HELZ: variants seen among roughly 807,000 people sequenced by gnomAD.
The protein encoded by HELZ is helicase with zinc finger.
HELZ carries 23 observed loss-of-function variants against 218.2 expected under a neutral mutation model. The ratio of observed to expected loss-of-function variants is 0.11; its 90% CI spans 0.08 to 0.15. HELZ has a LOEUF of 0.15. Ranked by LOEUF, HELZ falls within the 10% of genes least tolerant of loss-of-function variation. The probability of loss-of-function intolerance (pLI) is 1.00; values close to 1 mark genes in which losing one functional copy is unlikely to be tolerated. For synonymous variants in HELZ, 814 were observed against 829.4 expected, an observed-to-expected ratio of 0.98 and a Z score of 0.32; for missense variants, 1,813 against 2,353.7, an observed-to-expected ratio of 0.77 and a Z score of 4.75.
chr17:67,207,429 A>G (rs2040335101), intron 5 of HELZ, among the ~76,000 whole-genome samples: 1 of 151,710 alleles, frequency 6.6e-6, no homozygotes, highest in African/African-American at 2.4e-5. Flanking sequence ...CATGTTGGCT[A>G]GGCTGGTCTC....
chr17:67,086,865 C>CATTG lies in HELZ; in HGVS notation c.5454_5457dup (p.Gly1820GlnfsTer23). 6.2e-7 allele frequency: 1 copy of CATTG among 1,613,494 alleles called. No homozygotes were observed. On this transcript the variant is annotated frameshift_variant, in exon 32 of 33. Transcript: ENST00000358691. LOFTEE classifies it high-confidence loss of function. ...CTGGGCTGAGCTGTCCTGCTGGATC[C>CATTG]ATTGCACGGAATGTTCTGATAAGGA... is the stretch of plus-strand genomic sequence containing the variant.
intron 13 of HELZ, among the ~76,000 whole-genome samples, chr17:67,173,771 C>T (rs1481153228): frequency 2.6e-5 from 4 of 151,918 alleles, no homozygotes; most frequent in Non-Finnish European, 5.9e-5. Flanking sequence ...ATGAAATGTG[C>T]ACCCCACACC....
chr17:67,101,931 CT>C (rs746278849), intron 31 of HELZ, among the ~76,000 whole-genome samples: 1 of 152,172 alleles, frequency 6.6e-6, no homozygotes, highest in Non-Finnish European at 1.5e-5. Context: ...GGTCTACTGC[CT>C]GGCTCAGGAG....
intron 12 of HELZ, chr17:67,179,560 A>C (rs1319473526): frequency 2.0e-5 from 3 of 152,238 alleles, no homozygotes; most frequent in Non-Finnish European, 4.4e-5. Context: ...GTAGGGCACA[A>C]TGTCAAAACA....
chr17:67,091,160 C>T (rs557545876), intron 31 of HELZ, among the ~76,000 whole-genome samples: 4 of 152,030 alleles, frequency 2.6e-5, no homozygotes, highest in African/African-American at 7.2e-5. Context: ...AATGAAGAAC[C>T]TTCCATTGGT....
At chr17:67,093,699 A>G (rs888897029) in intron 31 of HELZ, among the ~76,000 whole-genome samples, 10 of 152,200 alleles carry the variant, frequency 6.6e-5, no homozygotes, top group African/African-American at 2.4e-4. Flanking sequence ...CCTGCAAAGT[A>G]GATCCTGAAT....
At position 67,109,586 on chromosome 17, in the gene HELZ, C is replaced by T; in HGVS notation, c.4019G>A (p.Arg1340Lys). The T allele has an allele frequency of 6.2e-7, 1 of 1,614,088 alleles. No homozygotes were observed. Among genetic ancestry groups the T allele is most frequent in the East Asian group, 2.2e-5 (1 of 44,876 alleles). ...AGCAGGAAGGGGAAGATTTATGTGT[C>T]TTGGGTTGAGATTATCTTTGCGAGG... Reference protein sequence around the residue: ...KFPRKDNLNPRHINLPLPAPH... With the variant: ...KFPRKDNLNPKHINLPLPAPH... The change falls in exon 29 of 33, where the codon AGA (arginine) becomes AAA (lysine). Residue 1340 changes from arginine to lysine, a missense_variant. Coordinates refer to ENST00000358691, the MANE Select transcript of HELZ (RefSeq NM_014877.4).
intron 5 of HELZ, among the ~76,000 whole-genome samples, chr17:67,206,922 T>G (rs181786509): frequency 0.011 from 1,606 of 147,588 alleles, 27 homozygotes; most frequent in African/African-American, 0.036. Context: ...TTTTTTTGGG[T>G]TTTTTTTGAG....
In HELZ at chr17:67,132,474, T is replaced by C. The variant is rs2143915911; in HGVS notation, c.3182+3496A>G. Among the ~76,000 whole-genome samples the C allele has an allele frequency of 1.3e-5, 2 of 152,314 alleles. 1 individual carries two copies. Among genetic ancestry groups the C allele is most frequent in the Non-Finnish European group, 2.9e-5 (2 of 68,018 alleles). On this transcript the variant is annotated intron_variant, in intron 23 of 32. Transcript: ENST00000358691. ...GGCAGCATAACCAGAGAGAAGAATG[T>C]GGGTTTTGAAGTCAATCTGACACCT...
chr17:67,202,784 A>G (rs1362060599), intron 6 of HELZ, among the ~76,000 whole-genome samples: 2 of 152,236 alleles, frequency 1.3e-5, no homozygotes, highest in African/African-American at 4.8e-5. Flanking sequence ...AGTATCTACA[A>G]TTCTTATATA....
intron 32 of HELZ, among the ~76,000 whole-genome samples, chr17:67,081,846 A>G (rs534866895): frequency 2.7e-4 from 41 of 152,250 alleles, no homozygotes; most frequent in African/African-American, 9.4e-4. Flanking sequence ...GGAAAGTGAG[A>G]CCTTTAGCTA....
At chr17:67,123,305 A>G in intron 25 of HELZ, 145 bp from the exon 26 acceptor site, 1 of 488,522 alleles carries the variant, frequency 2.0e-6, no homozygotes, top group Non-Finnish European at 3.4e-6. Context: ...GTGGAAAAGT[A>G]AAGCATATTA....
chr17:67,164,153 G>A (rs536714863), intron 15 of HELZ, among the ~76,000 whole-genome samples: 12 of 152,256 alleles, frequency 7.9e-5, no homozygotes, highest in Admixed American at 2.6e-4. Flanking sequence ...AAAATAAGAC[G>A]CAGTCTCTTC....
At chr17:67,245,239 C>T (rs1005157638), upstream of HELZ, 63 of 982,958 alleles carry the variant, frequency 6.4e-5, no homozygotes, top group Non-Finnish European at 7.0e-5. Context: ...TGACTCCCCC[C>T]GGCCCCCGAC....
intron 12 of HELZ, among the ~76,000 whole-genome samples, chr17:67,182,202 G>A (rs1276037281): frequency 1.3e-5 from 2 of 152,168 alleles, no homozygotes; most frequent in African/African-American, 4.8e-5. Flanking sequence ...AGCATTTTGG[G>A]AGGCCAAGGA....
chr17:67,102,898 A>T (rs907762350), intron 31 of HELZ, among the ~76,000 whole-genome samples: 2 of 152,216 alleles, frequency 1.3e-5, no homozygotes, highest in Non-Finnish European at 2.9e-5. Context: ...ACACAAACAA[A>T]GATAACAGAA....
At chr17:67,194,132 C>T (rs1356942557) in intron 8 of HELZ, 90 bp from the exon 9 acceptor site, 2 of 849,556 alleles carry the variant, frequency 2.4e-6, no homozygotes, top group South Asian at 1.5e-5. Context: ...AATCCCTCCA[C>T]ATACATCATC....
At chr17:67,085,647 T>C (rs1192105644) in intron 32 of HELZ, among the ~76,000 whole-genome samples, 1 of 151,942 alleles carries the variant, frequency 6.6e-6, no homozygotes, top group Non-Finnish European at 1.5e-5. Context: ...AAACAACAGA[T>C]TCACATTCTA....
intron 20 of HELZ, 46 bp downstream of exon 20, chr17:67,148,523 A>T (rs1398531449): frequency 6.4e-7 from 1 of 1,565,614 alleles, no homozygotes; most frequent in Non-Finnish European, 8.7e-7. Flanking sequence ...CCCTCCTACT[A>T]TCAGACCAAC....
Sources: gnomAD v4.1 joint callset for allele counts (sites outside exome capture counted in the v4.1 genomes callset) on GRCh38, gnomAD v4.1.1 for gene constraint, MANE v1.5 for transcripts, NCBI Gene and HGNC (gene_info 2026-07-23, HGNC 2026-07-21) for gene names.